The following STX11 variants were observed in gnomAD, a reference collection of about 807,000 sequenced individuals.
STX11 encodes syntaxin 11.
A neutral mutation model predicts 19.9 loss-of-function variants in STX11; 21 were observed. That is an observed-to-expected ratio of 1.06 (90% CI 0.75 to 1.52). The LOEUF is 1.52. Ranked by LOEUF, STX11 falls within the 40% of genes most tolerant of loss-of-function variation. STX11 has a pLI of 0.00. For synonymous variants in STX11, 193 were observed against 174.4 expected (o/e 1.11, Z -0.84); for missense variants, 438 against 405.9 (o/e 1.08, Z -0.68).
rs539215090 is a variant in STX11, at chr6:144,160,492, G to A, written c.-6+9789G>A. 6.6e-6 allele frequency among the ~76,000 whole-genome samples: 1 copy of A among 152,174 alleles called. No homozygotes were observed. The highest frequency in any genetic ancestry group is 1.9e-4 in the East Asian group (1 of 5,184). ...ATATATAAGTTAACAGGCAAATCTT[G>A]GGTTGAAAAAGTACCAGATTCGTTC... On this transcript the variant is annotated intron_variant, in intron 1 of 1. Transcript: ENST00000367568. This position sits in a 1 kb window ranked among gnomAD's most constrained non-coding sequence, Gnocchi z 4.3.
chr6:144,153,652 T>C lies in STX11; in HGVS notation c.-6+2949T>C, dbSNP rs1801062185. On this transcript the variant is annotated intron_variant, in intron 1 of 1. Coordinates refer to ENST00000367568, the MANE Select transcript of STX11 (RefSeq NM_003764.4). This position sits in a 1 kb window ranked among gnomAD's most constrained non-coding sequence, Gnocchi z 5.0. ...AATCTTAGATTAGATGAGAGTGACA[T>C]TGACCCTAGGAAGACACCGTGGAAA... 1.3e-5 allele frequency among the ~76,000 whole-genome samples: 2 copies of C among 152,134 alleles called. No individual in the cohort carries two copies. The highest frequency in any genetic ancestry group is 4.1e-4 in the South Asian group (2 of 4,832).
rs1193653479 is a variant in STX11 at position 144,154,896 on chromosome 6, CT to C, written c.-6+4197del. 6.6e-6 allele frequency among the ~76,000 whole-genome samples: 1 copy of C among 152,294 alleles called. No homozygotes were observed. The highest frequency in any genetic ancestry group is 1.9e-4 in the East Asian group (1 of 5,188). On this transcript the variant is annotated intron_variant, in intron 1 of 1. Coordinates refer to ENST00000367568, the MANE Select transcript of STX11 (RefSeq NM_003764.4). This position sits in a 1 kb window ranked among gnomAD's most constrained non-coding sequence, Gnocchi z 4.7. ...TCCATTTGGGGCACCTGGGTAGATT[CT>C]TTTGTCTGAACAGCAGTATTTTGAC...
upstream of STX11, chr6:144,150,451 C>G (rs1386856348): frequency 1.0e-6 from 1 of 969,204 alleles, no homozygotes; most frequent in Non-Finnish European, 1.2e-6. Context: ...GCTGTCATCC[C>G]GGGGCGGGGC....
chr6:144,155,992 TTCTTTC>T lies in STX11; in HGVS notation c.-6+5291_-6+5296del, dbSNP rs1400210709. On this transcript the variant is annotated intron_variant, in intron 1 of 1. Transcript: ENST00000367568. The surrounding 1 kb of genome is among the most constrained non-coding windows in gnomAD (Gnocchi z 4.5). ...TTTCTTTCTTTCTTTCTTTCTTTCT[TTCTTTC>T]TTTCTTTCTTTCTTTCTCTCTTTCT... is the stretch of plus-strand genomic sequence containing the variant. 1.5e-5 allele frequency among the ~76,000 whole-genome samples: 2 copies of T among 130,928 alleles called. No individual in the cohort carries two copies. Among genetic ancestry groups the T allele is most frequent in the Admixed American group, 7.2e-5 (1 of 13,844 alleles). The allele number at this position is 130,928 out of a possible 152,430, so 85.9% of individuals were successfully genotyped here.
At position 144,187,084 on chromosome 6, in the gene STX11, C is replaced by G; in HGVS notation, c.457C>G (p.Gln153Glu). Residue 153 changes from glutamine (Q) to glutamate (E), a missense_variant, in exon 2 of 2, where the codon CAG becomes GAG. Coordinates refer to ENST00000367568, the MANE Select transcript of STX11 (RefSeq NM_003764.4). The surrounding 1 kb of genome is among the most constrained non-coding windows in gnomAD (Gnocchi z 5.6). ...CGACTACAACCAGGCCGAGATGAAGCAGCGCGACAACTGCAAGATCCGCAT... is the reference window on the plus strand; with the variant it reads ...CGACTACAACCAGGCCGAGATGAAGGAGCGCGACAACTGCAAGATCCGCAT... ...MHDYNQAEMK[Q>E]RDNCKIRIQR... is the part of the protein sequence containing the mutation. The G allele has an allele frequency of 6.2e-7, 1 of 1,613,704 alleles. No individual in the cohort carries two copies. Among genetic ancestry groups the G allele is most frequent in the Non-Finnish European group, 8.5e-7 (1 of 1,179,998 alleles).
In STX11 at chr6:144,177,524, G is replaced by A. The variant is rs1209556559; in HGVS notation, c.-5-9099G>A. On this transcript the variant is annotated intron_variant, in intron 1 of 1. Transcript: ENST00000367568. The surrounding 1 kb of genome is among the most constrained non-coding windows in gnomAD (Gnocchi z 4.4). ...AGCACTTTGGGAGGCTGAGGCAGGC[G>A]GATCACAAGGTCAGGAGTTTGAGAC... Among the ~76,000 whole-genome samples the A allele has an allele frequency of 2.0e-5, 3 of 152,102 alleles. No homozygotes were observed. Among genetic ancestry groups the A allele is most frequent in the East Asian group, 3.8e-4 (2 of 5,196 alleles).
chr6:144,187,579 G>A lies in STX11; in HGVS notation c.*88G>A. 23 of 1,567,892 alleles carry A rather than the reference G, an allele frequency of 1.5e-5. No homozygotes were observed. The highest frequency in any genetic ancestry group is 1.9e-5 in the Non-Finnish European group (22 of 1,149,960). On this transcript the variant is annotated 3_prime_UTR_variant, in exon 2 of 2. Transcript: ENST00000367568. This position sits in a 1 kb window ranked among gnomAD's most constrained non-coding sequence, Gnocchi z 5.6. Reference sequence around the variant, plus strand: ...AAAGCCGGGAGCTCTGCCCTGCAGGGAGTTGCCCCAACCCTTTCCGGAACT... The same window carrying A: ...AAAGCCGGGAGCTCTGCCCTGCAGGAAGTTGCCCCAACCCTTTCCGGAACT...
At position 144,182,759 on chromosome 6, in the gene STX11, G is replaced by A. The variant is rs563951205; in HGVS notation, c.-5-3864G>A. ...CAAATGATCCCTAGTGTCCCAGGGC[G>A]TGGTACAGTCCCTTATCTACCCATT... On this transcript the variant is annotated intron_variant, in intron 1 of 1. Transcript: ENST00000367568. This position sits in a 1 kb window ranked among gnomAD's most constrained non-coding sequence, Gnocchi z 4.8. Among the ~76,000 whole-genome samples the A allele has an allele frequency of 2.2e-4, 33 of 152,180 alleles. No homozygotes were observed. Among genetic ancestry groups the A allele is most frequent in the Non-Finnish European group, 3.8e-4 (26 of 68,026 alleles).
chr6:144,175,733 T>G lies in STX11; in HGVS notation c.-5-10890T>G, dbSNP rs1014154208. Among the ~76,000 whole-genome samples, 2 of 152,218 alleles carry G rather than the reference T, an allele frequency of 1.3e-5. No individual in the cohort carries two copies. Among genetic ancestry groups the G allele is most frequent in the African/African-American group, 4.8e-5 (2 of 41,458 alleles). ...TTTTCTGCTCTCACCTTCTTTGATT[T>G]TACTTAACATGGTGGTTGGGTTGAT... is the stretch of plus-strand genomic sequence containing the variant. On this transcript the variant is annotated intron_variant, in intron 1 of 1. Transcript: ENST00000367568. This position sits in a 1 kb window ranked among gnomAD's most constrained non-coding sequence, Gnocchi z 5.1.
the STX11 span, among the ~76,000 whole-genome samples, chr6:144,141,089 T>C: frequency 1.1e-3 from 171 of 152,344 alleles, no homozygotes; most frequent in Non-Finnish European, 1.9e-3. Flanking sequence ...TTACCAGAAA[T>C]GAGTATTGAG....
In STX11 at chr6:144,191,211, T is replaced by G. The variant is rs1802200637; in HGVS notation, c.*3720T>G. On this transcript the variant is annotated 3_prime_UTR_variant, in exon 2 of 2. Transcript: ENST00000367568. Reference sequence around the variant, plus strand: ...TTACAACTACCACCAAGCCACAGATTATAGGTGGTAACAACTCCAGAAATG... The same window carrying G: ...TTACAACTACCACCAAGCCACAGATGATAGGTGGTAACAACTCCAGAAATG... Among the ~76,000 whole-genome samples the G allele has an allele frequency of 1.3e-5, 2 of 148,530 alleles. No homozygotes were observed. Among genetic ancestry groups the G allele is most frequent in the African/African-American group, 2.5e-5 (1 of 39,900 alleles).
In STX11 at chr6:144,151,337, T is replaced by G; in HGVS notation, c.-6+634T>G. 1 of 985,466 alleles carries G rather than the reference T, an allele frequency of 1.0e-6. No individual in the cohort carries two copies. The highest frequency in any genetic ancestry group is 4.7e-5 in the South Asian group (1 of 21,288). 61.0% of individuals were successfully genotyped at this position (985,466 alleles called of 1,614,324 possible). ...CCGCTGACACCAGCTGAGATCTGTATTACTTCCTGTGGTTCTCACGCACTT... is the reference window on the plus strand; with the variant it reads ...CCGCTGACACCAGCTGAGATCTGTAGTACTTCCTGTGGTTCTCACGCACTT... On this transcript the variant is annotated intron_variant, in intron 1 of 1. Transcript: ENST00000367568. This position sits in a 1 kb window ranked among gnomAD's most constrained non-coding sequence, Gnocchi z 4.6.
At chr6:144,145,338 T>C in the STX11 span, among the ~76,000 whole-genome samples, 5 of 152,240 alleles carry the variant, frequency 3.3e-5, no homozygotes, top group African/African-American at 1.2e-4. Flanking sequence ...TTATATGAGA[T>C]ACTTAGAGCA....
upstream of STX11, chr6:144,150,440 C>G: frequency 1.1e-6 from 1 of 950,092 alleles, no homozygotes; most frequent in Non-Finnish European, 1.3e-6. Flanking sequence ...CGCGCCCCAG[C>G]GCTGTCATCC....
rs540150447 is a variant in STX11 at position 144,186,848 on chromosome 6, C to G, written c.221C>G (p.Thr74Arg). The change falls in exon 2 of 2, where the codon ACG (threonine) becomes AGG (arginine). Residue 74 changes from threonine (T) to arginine (R), a missense_variant. Coordinates refer to ENST00000367568, the MANE Select transcript of STX11 (RefSeq NM_003764.4). ...GGAAAGCAGAACGCCCGCTTCCTCACGTCCATGCGGCGCCTCAGCAGCATC... is the reference window on the plus strand; with the variant it reads ...GGAAAGCAGAACGCCCGCTTCCTCAGGTCCATGCGGCGCCTCAGCAGCATC... ...RLGKQNARFL[T>R]SMRRLSSIKR... 6 of 1,613,210 alleles carry G rather than the reference C, an allele frequency of 3.7e-6. No homozygotes were observed. Among genetic ancestry groups the G allele is most frequent in the Non-Finnish European group, 4.2e-6 (5 of 1,179,992 alleles).
rs1375195639 is a variant in STX11 at position 144,162,133 on chromosome 6, G to A, written c.-6+11430G>A. Among the ~76,000 whole-genome samples, 2 of 152,232 alleles carry A rather than the reference G, an allele frequency of 1.3e-5. No individual in the cohort carries two copies. Among genetic ancestry groups the A allele is most frequent in the South Asian group, 2.1e-4 (1 of 4,816 alleles). ...ATCTGTCTACTCTTCTGCCAGGGTG[G>A]AACAGAGGATGGAGGGCCCTCCCAC... On this transcript the variant is annotated intron_variant, in intron 1 of 1. Coordinates refer to ENST00000367568, the MANE Select transcript of STX11 (RefSeq NM_003764.4). This position sits in a 1 kb window ranked among gnomAD's most constrained non-coding sequence, Gnocchi z 4.6.
rs1801295223 is a variant in STX11, at chr6:144,160,076, C to T, written c.-6+9373C>T. Among the ~76,000 whole-genome samples the T allele has an allele frequency of 6.6e-6, 1 of 152,298 alleles. No homozygotes were observed. The highest frequency in any genetic ancestry group is 2.1e-4 in the South Asian group (1 of 4,824). On this transcript the variant is annotated intron_variant, in intron 1 of 1. Transcript: ENST00000367568. This position sits in a 1 kb window ranked among gnomAD's most constrained non-coding sequence, Gnocchi z 4.3. ...GGAATGAAATGGCACAATCTCTGCT[C>T]ACAGTAACCTCCGCCTCCCGGGTTC...
At position 144,152,010 on chromosome 6, in the gene STX11, C is replaced by T. The variant is rs112402876; in HGVS notation, c.-6+1307C>T. Among the ~76,000 whole-genome samples the T allele has an allele frequency of 3.0e-3, 453 of 152,268 alleles. 4 individuals carry two copies. Among genetic ancestry groups the T allele is most frequent in the African/African-American group, 0.011 (438 of 41,532 alleles). ...AAACAACAGTTACCAGGTACCTTCT[C>T]TGTGCCAGCCTCTTCCCTGAACCTT... On this transcript the variant is annotated intron_variant, in intron 1 of 1. Coordinates refer to ENST00000367568, the MANE Select transcript of STX11 (RefSeq NM_003764.4). This position sits in a 1 kb window ranked among gnomAD's most constrained non-coding sequence, Gnocchi z 4.9.
chr6:144,157,119 T>C (rs2128747863), intron 1 of STX11, among the ~76,000 whole-genome samples: 1 of 152,320 alleles, frequency 6.6e-6, no homozygotes, highest in Non-Finnish European at 1.5e-5. Context: ...GACTCTGAGA[T>C]TTCCATACAG....
Sources: allele counts gnomAD v4.1 joint callset (sites outside exome capture counted in the v4.1 genomes callset), GRCh38; gene constraint gnomAD v4.1.1; non-coding constraint Gnocchi (gnomAD v3.1); transcripts MANE v1.5; gene names NCBI Gene and HGNC (gene_info 2026-07-23, HGNC 2026-07-21).